The following UQCC1 variants were observed in gnomAD, a reference collection of about 807,000 sequenced individuals.
UQCC1 encodes ubiquinol-cytochrome c reductase complex assembly factor 1, also known as bFGF-repressed Zic-binding protein.
UQCC1 carries 38 observed loss-of-function variants against 48.0 expected under a neutral mutation model. That is an observed-to-expected ratio of 0.79 (90% CI 0.61 to 1.04). UQCC1 has a LOEUF of 1.04. Ranked by LOEUF, UQCC1 falls within the 50% of genes least tolerant of loss-of-function variation. The pLI is 0.00. For synonymous variants in UQCC1, 111 were observed against 129.2 expected (o/e 0.86, Z 0.95); for missense variants, 368 against 381.8 (o/e 0.96, Z 0.30).
intron 7 of UQCC1, among the ~76,000 whole-genome samples, chr20:35,326,402 T>G (rs958386589): frequency 2.0e-5 from 3 of 152,214 alleles, no homozygotes; most frequent in African/African-American, 7.2e-5. Flanking sequence ...CAACCAGTCT[T>G]GTATGATTTT....
intron 1 of UQCC1, among the ~76,000 whole-genome samples, chr20:35,408,719 G>A (rs2062289975): frequency 2.0e-5 from 3 of 151,792 alleles, no homozygotes; most frequent in African/African-American, 7.3e-5. Flanking sequence ...GCCAGGCGTG[G>A]TGGCACATGC....
chr20:35,394,035 ACAT>A (rs1037534176), intron 2 of UQCC1, 54 bp downstream of exon 2: 1 of 1,512,296 alleles, frequency 6.6e-7, no homozygotes, highest in Non-Finnish European at 9.2e-7. Flanking sequence ...TAAATACATG[ACAT>A]TTGCACATAA....
At chr20:35,393,010 C>G (rs1490279331) in intron 2 of UQCC1, among the ~76,000 whole-genome samples, 1 of 151,428 alleles carries the variant, frequency 6.6e-6, no homozygotes, top group African/African-American at 2.4e-5. Context: ...AATACATAAC[C>G]CTGAGAGCTA....
intron 1 of UQCC1, among the ~76,000 whole-genome samples, chr20:35,399,856 CAAAA>C (rs200580923): frequency 2.0e-5 from 2 of 100,180 alleles, no homozygotes; most frequent in Admixed American, 1.2e-4. Context: ...AGACTCCACT[CAAAA>C]AAAAAAAAAA....
At chr20:35,353,152 C>T (rs2146404201) in intron 6 of UQCC1, among the ~76,000 whole-genome samples, 1 of 152,000 alleles carries the variant, frequency 6.6e-6, no homozygotes, top group East Asian at 1.9e-4. Flanking sequence ...CCTGTAATTC[C>T]AGCACTTTGG....
chr20:35,328,215 C>T (rs2061218548), intron 7 of UQCC1, among the ~76,000 whole-genome samples: 1 of 152,122 alleles, frequency 6.6e-6, no homozygotes, highest in South Asian at 2.1e-4. Flanking sequence ...TAAGTCCCAA[C>T]TCAGACCTAG....
intron 4 of UQCC1, among the ~76,000 whole-genome samples, chr20:35,381,073 T>C (rs1478655258): frequency 6.6e-6 from 1 of 152,208 alleles, no homozygotes; most frequent in Admixed American, 6.5e-5. Flanking sequence ...GAGGTATTAT[T>C]ATAAAAGCCC....
At chr20:35,383,582 A>C (rs747828208) in intron 3 of UQCC1, among the ~76,000 whole-genome samples, 8 of 152,152 alleles carry the variant, frequency 5.3e-5, no homozygotes, top group Non-Finnish European at 1.2e-4. Context: ...TGTTAAAAAA[A>C]ATTTTAAAAA....
intron 7 of UQCC1, among the ~76,000 whole-genome samples, chr20:35,337,866 C>T (rs2061331157): frequency 6.6e-6 from 1 of 152,134 alleles, no homozygotes; most frequent in Admixed American, 6.5e-5. Context: ...CACCTTTCTG[C>T]CTTTTCACCA....
At chr20:35,335,093 C>T (rs2061301230) in intron 7 of UQCC1, among the ~76,000 whole-genome samples, 2 of 152,136 alleles carry the variant, frequency 1.3e-5, no homozygotes, top group Admixed American at 6.5e-5. Context: ...TTCATTATAA[C>T]TAATTTCATT....
At chr20:35,404,400 C>A (rs1351474018) in intron 1 of UQCC1, among the ~76,000 whole-genome samples, 1 of 138,648 alleles carries the variant, frequency 7.2e-6, no homozygotes, top group Non-Finnish European at 1.5e-5. Flanking sequence ...ATTAGCCGGG[C>A]ATGGTGGCAG....
chr20:35,401,639 T>A (rs2062166555), intron 1 of UQCC1, among the ~76,000 whole-genome samples: 1 of 151,154 alleles, frequency 6.6e-6, no homozygotes, highest in South Asian at 2.1e-4. Flanking sequence ...CGAAAATCAA[T>A]TATAAACATG....
chr20:35,303,944 C>CTCG lies in UQCC1; in HGVS notation c.888_890dup (p.Asp296dup). 1 of 1,614,214 alleles carries CTCG rather than the reference C, an allele frequency of 6.2e-7. No homozygotes were observed. The highest frequency in any genetic ancestry group is 1.1e-5 in the South Asian group (1 of 91,086). ...CGGAGGGCCCAGCCCATCAAAGTCC[C>CTCG]TCGTCGTTGTAAGTCGGAGAATGGG... On this transcript the variant is annotated inframe_insertion, in exon 10 of 10. Transcript: ENST00000374385.
At chr20:35,367,856 G>C (rs575625467) in intron 5 of UQCC1, among the ~76,000 whole-genome samples, 80 of 152,254 alleles carry the variant, frequency 5.3e-4, no homozygotes, top group Non-Finnish European at 8.7e-4. Context: ...CTTACTGAAA[G>C]GCTGTTCATC....
chr20:35,335,026 G>A (rs549705218), intron 7 of UQCC1, among the ~76,000 whole-genome samples: 2 of 151,984 alleles, frequency 1.3e-5, no homozygotes, highest in South Asian at 2.1e-4. Context: ...TAAAATTGTC[G>A]GTAAAATAAG....
chr20:35,306,263 G>T (rs2060927228), intron 9 of UQCC1, among the ~76,000 whole-genome samples: 1 of 152,166 alleles, frequency 6.6e-6, no homozygotes, highest in South Asian at 2.1e-4. Context: ...TGGAAGTCAG[G>T]AGCAGGAAAC....
rs1254696622 is a variant in UQCC1, at chr20:35,374,270, A to G, written c.334-14T>C. ...AATCTTAATCTTCTAGACAAAGAGA[A>G]TAAAACCAAACTCAAGACATGACCA... On this transcript the variant is annotated splice_polypyrimidine_tract_variant and intron_variant, in intron 4 of 9. Transcript: ENST00000374385. 1.9e-6 allele frequency: 3 copies of G among 1,603,098 alleles called. 1 individual carries two copies.
intron 6 of UQCC1, among the ~76,000 whole-genome samples, chr20:35,366,274 T>A (rs1433078567): frequency 1.3e-5 from 2 of 152,198 alleles, no homozygotes; most frequent in African/African-American, 2.4e-5. Flanking sequence ...GAGAAAACTT[T>A]CCATCCAAGC....
rs1201820961 is a variant in UQCC1 at position 35,381,939 on chromosome 20, T to C, written c.312A>G (p.Gly104=). 2 of 1,607,338 alleles carry C rather than the reference T, an allele frequency of 1.2e-6. No individual in the cohort carries two copies. Among genetic ancestry groups the C allele is most frequent in the Non-Finnish European group, 1.7e-6 (2 of 1,175,470 alleles). ...TKIIEAMGFT[G]PLKYSKWKIK... ...TTACCCATTTACTGTATTTCAAAGG[T>C]CCCGTGAATCCCATGGCTTCTATTA... is the stretch of plus-strand genomic sequence containing the variant. The change falls in exon 4 of 10, where the codon GGA becomes GGG. Residue 104 remains glycine, a synonymous_variant. Transcript: ENST00000374385.
Sources: allele counts gnomAD v4.1 joint callset (sites outside exome capture counted in the v4.1 genomes callset), GRCh38; gene constraint gnomAD v4.1.1; transcripts MANE v1.5; gene names NCBI Gene and HGNC (gene_info 2026-07-23, HGNC 2026-07-21).